Variants in GFRAL observed in about 807,000 individuals in gnomAD.
GFRAL encodes the protein GDNF family receptor alpha like.
A neutral mutation model predicts 45.4 loss-of-function variants in GFRAL; 36 were observed. The observed-to-expected ratio is 0.79, with a 90% CI of 0.61 to 1.05. GFRAL has a LOEUF of 1.05. Ranked by LOEUF, GFRAL falls within the 50% of genes least tolerant of loss-of-function variation. GFRAL has a pLI of 0.00. For missense variants in GFRAL, 507 were observed against 467.5 expected (o/e 1.08, Z -0.78); for synonymous variants, 166 against 154.1 (o/e 1.08, Z -0.57).
intron 6 of GFRAL, among the ~76,000 whole-genome samples, chr6:55,360,917 G>A (rs1379329994): frequency 6.6e-6 from 1 of 151,676 alleles, no homozygotes; most frequent in Non-Finnish European, 1.5e-5. Flanking sequence ...CAATTTATTT[G>A]GCAAAAATTC....
chr6:55,330,519 A>G (rs960073755), intron 1 of GFRAL, among the ~76,000 whole-genome samples: 6 of 152,126 alleles, frequency 3.9e-5, no homozygotes, highest in Non-Finnish European at 7.4e-5. Flanking sequence ...AGTTTCCAGA[A>G]AATAGCTAAT....
chr6:55,369,218 G>A (rs945586933), intron 6 of GFRAL, among the ~76,000 whole-genome samples: 12 of 152,112 alleles, frequency 7.9e-5, no homozygotes, highest in African/African-American at 2.2e-4. Context: ...GGTGCCGTCC[G>A]TCACCCCTTT....
chr6:55,364,657 G>T (rs1187609710), intron 6 of GFRAL, among the ~76,000 whole-genome samples: 1 of 150,902 alleles, frequency 6.6e-6, no homozygotes, highest in Non-Finnish European at 1.5e-5. Context: ...TTCTACATAT[G>T]GCTAGCCAGT....
At chr6:55,369,359 A>T (rs954564475) in intron 6 of GFRAL, among the ~76,000 whole-genome samples, 1 of 152,162 alleles carries the variant, frequency 6.6e-6, no homozygotes, top group Non-Finnish European at 1.5e-5. Flanking sequence ...CCCTAGTGAG[A>T]TGAACCCGGT....
chr6:55,339,408 G>T (rs1211455176), intron 3 of GFRAL, among the ~76,000 whole-genome samples: 1 of 152,128 alleles, frequency 6.6e-6, no homozygotes, highest in East Asian at 1.9e-4. Context: ...CTGGCATTGG[G>T]AAGCAGGGAT....
At chr6:55,353,618 T>G (rs974097822) in intron 5 of GFRAL, among the ~76,000 whole-genome samples, 2 of 152,122 alleles carry the variant, frequency 1.3e-5, no homozygotes, top group African/African-American at 2.4e-5. Context: ...TTTAGGTTTT[T>G]CAAACTCATT....
intron 1 of GFRAL, among the ~76,000 whole-genome samples, chr6:55,328,010 AT>A (rs1767787218): frequency 6.6e-6 from 1 of 152,110 alleles, no homozygotes; most frequent in Admixed American, 6.6e-5. Context: ...AATAAGATTA[AT>A]TTAAAACATT....
At chr6:55,329,648 T>G (rs1767806112) in intron 1 of GFRAL, among the ~76,000 whole-genome samples, 1 of 152,098 alleles carries the variant, frequency 6.6e-6, no homozygotes, top group Admixed American at 6.6e-5. Context: ...AGGGCTTGGC[T>G]AGATGAGGTT....
At chr6:55,338,261 T>C (rs2127351200) in intron 3 of GFRAL, among the ~76,000 whole-genome samples, 1 of 152,134 alleles carries the variant, frequency 6.6e-6, no homozygotes, top group South Asian at 2.1e-4. Context: ...GGCTGATTTT[T>C]GTATTTTTAG....
chr6:55,341,813 T>C (rs913483164), intron 3 of GFRAL, among the ~76,000 whole-genome samples: 8 of 152,048 alleles, frequency 5.3e-5, no homozygotes, highest in Non-Finnish European at 8.8e-5. Flanking sequence ...ATAAACAGTA[T>C]AGAGAAGTCC....
chr6:55,344,013 A>G (rs928130215), intron 3 of GFRAL, among the ~76,000 whole-genome samples: 2 of 152,176 alleles, frequency 1.3e-5, no homozygotes, highest in Non-Finnish European at 2.9e-5. Context: ...GCATAGACCA[A>G]TAACAAGCTC....
chr6:55,359,302 A>G (rs1768242075), intron 6 of GFRAL, among the ~76,000 whole-genome samples, 164 bp downstream of exon 6: 1 of 151,942 alleles, frequency 6.6e-6, no homozygotes, highest in Admixed American at 6.6e-5. Context: ...TGTTCTGTGT[A>G]TTTGCTATTT....
At chr6:55,367,744 T>G (rs1768385259) in intron 6 of GFRAL, among the ~76,000 whole-genome samples, 1 of 151,520 alleles carries the variant, frequency 6.6e-6, no homozygotes, top group Non-Finnish European at 1.5e-5. Flanking sequence ...GAAAATTCTT[T>G]TCTTTAAGAA....
At chr6:55,357,426 A>ATC (rs141622810) in intron 5 of GFRAL, among the ~76,000 whole-genome samples, 24,712 of 151,488 alleles carry the variant, frequency 0.16, 2,304 homozygotes, top group African/African-American at 0.25. Flanking sequence ...CACCTTCTTT[A>ATC]TCTTTTTATA....
At chr6:55,390,895 TACACACACAC>T (rs34769114) in intron 6 of GFRAL, among the ~76,000 whole-genome samples, 9 of 135,556 alleles carry the variant, frequency 6.6e-5, no homozygotes, top group Middle Eastern at 3.4e-3. Context: ...CTCACACACA[TACACACACAC>T]ACACACACAC....
intron 6 of GFRAL, among the ~76,000 whole-genome samples, chr6:55,398,674 G>A (rs138021376): frequency 2.6e-5 from 4 of 152,228 alleles, no homozygotes; most frequent in Admixed American, 2.0e-4. Flanking sequence ...AAGAAGACTA[G>A]CACCTCAGAA....
chr6:55,369,227 T>G (rs922963142), intron 6 of GFRAL, among the ~76,000 whole-genome samples: 1 of 152,164 alleles, frequency 6.6e-6, no homozygotes, highest in African/African-American at 2.4e-5. Flanking sequence ...CGTCACCCCT[T>G]TCTTTGACTC....
chr6:55,338,678 T>C (rs1217509569), intron 3 of GFRAL, among the ~76,000 whole-genome samples: 1 of 152,084 alleles, frequency 6.6e-6, no homozygotes, highest in African/African-American at 2.4e-5. Context: ...TTAGGGTAAG[T>C]TGGTTTCATT....
chr6:55,382,611 A>G (rs58536503), intron 6 of GFRAL, among the ~76,000 whole-genome samples: 9,739 of 152,016 alleles, frequency 0.064, 507 homozygotes, highest in African/African-American at 0.14. Flanking sequence ...ATTAAAAACA[A>G]TAATCAGCAA....
Sources: allele counts gnomAD v4.1 joint callset (sites outside exome capture counted in the v4.1 genomes callset), GRCh38; gene constraint gnomAD v4.1.1; transcripts MANE v1.5; gene names NCBI Gene and HGNC (gene_info 2026-07-23, HGNC 2026-07-21).